Variants in ABLIM1 observed in about 807,000 individuals in gnomAD.
ABLIM1 encodes the protein actin binding LIM protein 1.
Under a neutral mutation model 107.0 loss-of-function variants are expected in ABLIM1, and 40 were observed. That is an observed-to-expected ratio of 0.37 (90% CI 0.29 to 0.49). The LOEUF (loss-of-function observed/expected upper bound fraction) is 0.49. Ranked by LOEUF, ABLIM1 falls within the 20% of genes least tolerant of loss-of-function variation. The probability of loss-of-function intolerance (pLI) is 0.97; values close to 1 mark genes in which losing one functional copy is unlikely to be tolerated. For synonymous variants in ABLIM1, 357 were observed against 357.3 expected, an observed-to-expected ratio of 1.00 and a Z score of 0.01; for missense variants, 857 against 1,008.5, an observed-to-expected ratio of 0.85 and a Z score of 2.04.
chr10:114,632,631 G>A, intron 1 of ABLIM1: 2 of 985,422 alleles, frequency 2.0e-6, no homozygotes, highest in Non-Finnish European at 2.4e-6. Flanking sequence ...GAGACTGAGA[G>A]ACAGCCGGGG....
intron 1 of ABLIM1, among the ~76,000 whole-genome samples, chr10:114,721,551 G>A (rs377393855): frequency 1.4e-4 from 22 of 151,860 alleles, no homozygotes; most frequent in Non-Finnish European, 3.1e-4. Flanking sequence ...GCAGGATCTC[G>A]GCTCACTGCA....
intron 6 of ABLIM1, among the ~76,000 whole-genome samples, chr10:114,526,160 G>GAA (rs149310794): frequency 1.3e-5 from 2 of 151,232 alleles, no homozygotes; most frequent in African/African-American, 4.9e-5. Context: ...ATTTCTTAAA[G>GAA]AAAAAAAAAT....
intron 1 of ABLIM1, among the ~76,000 whole-genome samples, chr10:114,692,186 C>T (rs1164456693): frequency 1.3e-5 from 2 of 152,194 alleles, no homozygotes; most frequent in African/African-American, 4.8e-5. Context: ...CTGTATTACC[C>T]TCTCTAGTTA....
intron 2 of ABLIM1, among the ~76,000 whole-genome samples, chr10:114,580,062 G>C (rs1269344252): frequency 6.6e-6 from 1 of 152,010 alleles, no homozygotes; most frequent in Non-Finnish European, 1.5e-5. Flanking sequence ...TTGTCCAGTA[G>C]AGATGCAGAT....
intron 1 of ABLIM1, among the ~76,000 whole-genome samples, chr10:114,762,334 G>A (rs994148078): frequency 6.6e-6 from 1 of 152,096 alleles, no homozygotes; most frequent in Non-Finnish European, 1.5e-5. Flanking sequence ...TGCCCGGCCA[G>A]GATATCCTTT....
intron 1 of ABLIM1, among the ~76,000 whole-genome samples, chr10:114,603,056 C>G (rs1304035059): frequency 3.3e-5 from 5 of 152,162 alleles, no homozygotes; most frequent in Admixed American, 1.3e-4. Context: ...AAAACATACT[C>G]CTTAAGGAAT....
intron 1 of ABLIM1, among the ~76,000 whole-genome samples, chr10:114,692,891 C>T (rs1006340113): frequency 1.3e-5 from 2 of 152,058 alleles, no homozygotes; most frequent in African/African-American, 4.8e-5. Context: ...CTCCATCTCA[C>T]ACACACACAA....
intron 4 of ABLIM1, among the ~76,000 whole-genome samples, chr10:114,548,705 G>A (rs531868719): frequency 6.6e-6 from 1 of 152,340 alleles, no homozygotes; most frequent in Non-Finnish European, 1.5e-5. Context: ...GTAAATTGGT[G>A]CAACCTTTCT....
At chr10:114,560,096 A>G (rs779004412) in intron 4 of ABLIM1, among the ~76,000 whole-genome samples, 2 of 152,228 alleles carry the variant, frequency 1.3e-5, no homozygotes, top group African/African-American at 4.8e-5. Flanking sequence ...CTGGCCACCA[A>G]TGCTTTCAAG....
intron 1 of ABLIM1, among the ~76,000 whole-genome samples, chr10:114,617,323 G>A (rs955284002): frequency 2.0e-5 from 3 of 148,106 alleles, no homozygotes; most frequent in African/African-American, 7.5e-5. Context: ...GTGCAATGGC[G>A]CGATCTTGGC....
At chr10:114,699,874 T>A (rs1420800689) in intron 1 of ABLIM1, among the ~76,000 whole-genome samples, 1 of 152,226 alleles carries the variant, frequency 6.6e-6, no homozygotes, top group Non-Finnish European at 1.5e-5. Flanking sequence ...TGAATTGGTG[T>A]CAATATACTG....
At chr10:114,743,314 C>G (rs2082322986) in intron 1 of ABLIM1, among the ~76,000 whole-genome samples, 1 of 152,116 alleles carries the variant, frequency 6.6e-6, no homozygotes, top group Admixed American at 6.5e-5. Context: ...GAAGAACTCT[C>G]AGAGTAAGTA....
At chr10:114,580,195 A>G (rs1258107570) in intron 2 of ABLIM1, among the ~76,000 whole-genome samples, 2 of 135,890 alleles carry the variant, frequency 1.5e-5, no homozygotes, top group Non-Finnish European at 3.1e-5. Flanking sequence ...TTAATATTAT[A>G]TATTATATAT....
At chr10:114,491,012 G>GTGTGTGTGTGTGTGTGTATGTA in intron 7 of ABLIM1, among the ~76,000 whole-genome samples, 1 of 92,396 alleles carries the variant, frequency 1.1e-5, no homozygotes, top group Non-Finnish European at 2.0e-5. Context: ...GTGTGTGTGT[G>GTGTGTGTGTGTGTGTGTATGTA]TATATATATA....
At position 114,434,746 on chromosome 10, in the gene ABLIM1, T is replaced by G. The variant is rs949821008; in HGVS notation, c.*1514A>C. On this transcript the variant is annotated 3_prime_UTR_variant, in exon 23 of 23. Transcript: ENST00000533213. The stretch of plus-strand genomic sequence containing the variant: ...ATCTAACTCACGTCGGGAATCATGA[T>G]GTGGTTTCATATGCACGCACGTGTT... 6.6e-6 allele frequency: 1 copy of G among 152,342 alleles called. No individual in the cohort carries two copies. The highest frequency in any genetic ancestry group is 2.1e-4 in the South Asian group (1 of 4,830). The allele number at this position is 152,342 out of a possible 1,614,324, so 9.4% of individuals were successfully genotyped here.
intron 1 of ABLIM1, among the ~76,000 whole-genome samples, chr10:114,702,918 T>C (rs1350826536): frequency 6.6e-6 from 1 of 152,138 alleles, no homozygotes; most frequent in Non-Finnish European, 1.5e-5. Flanking sequence ...CAAATGTTCT[T>C]AAAAAGAAAA....
At chr10:114,663,148 C>T (rs2079866604), upstream of ABLIM1, among the ~76,000 whole-genome samples, 1 of 152,204 alleles carries the variant, frequency 6.6e-6, no homozygotes, top group South Asian at 2.1e-4. Flanking sequence ...CCTGAAATTC[C>T]TCAACCTCCT....
At chr10:114,456,947 A>C (rs951714877) in intron 12 of ABLIM1, among the ~76,000 whole-genome samples, 4 of 151,536 alleles carry the variant, frequency 2.6e-5, no homozygotes, top group African/African-American at 9.7e-5. Flanking sequence ...AAAAAAAAAA[A>C]AAACACTACT....
chr10:114,575,611 C>T lies in ABLIM1; in HGVS notation c.380-12G>A. 7 of 1,610,652 alleles carry T rather than the reference C, an allele frequency of 4.3e-6. No individual in the cohort carries two copies. Among genetic ancestry groups the T allele is most frequent in the Non-Finnish European group, 5.9e-6 (7 of 1,178,148 alleles). ...GTCACAGCCACACACTGTAGAGAGA[C>T]AAGTTCACATCTGGTCATTATCTGC... On this transcript the variant is annotated splice_polypyrimidine_tract_variant and intron_variant, in intron 2 of 22. Coordinates refer to ENST00000533213, the MANE Select transcript of ABLIM1 (RefSeq NM_002313.7).
Sources: gnomAD v4.1 joint callset for allele counts (sites outside exome capture counted in the v4.1 genomes callset) on GRCh38, gnomAD v4.1.1 for gene constraint, MANE v1.5 for transcripts, NCBI Gene and HGNC (gene_info 2026-07-23, HGNC 2026-07-21) for gene names.